Variants in COL10A1 observed in about 807,000 individuals in gnomAD.
COL10A1 encodes the protein collagen type X alpha 1 chain.
COL10A1 carries 10 observed loss-of-function variants against 18.2 expected under a neutral mutation model. That is an observed-to-expected ratio of 0.55 (90% CI 0.34 to 0.93). The LOEUF is 0.93. Among genes scored for constraint, COL10A1 ranks in the 40% least tolerant of loss-of-function variants. COL10A1 has a pLI of 0.02. For synonymous variants in COL10A1, 330 were observed against 316.6 expected (o/e 1.04, Z -0.45); for missense variants, 897 against 853.5 (o/e 1.05, Z -0.64).
upstream of COL10A1, among the ~76,000 whole-genome samples, chr6:116,161,961 G>A (rs773703075): frequency 1.6e-4 from 25 of 151,910 alleles, no homozygotes; most frequent in Non-Finnish European, 2.6e-4. Context: ...GATAGTTTAT[G>A]TTTTTGTATG....
At chr6:116,199,637 GC>G in the COL10A1 span, among the ~76,000 whole-genome samples, 2 of 152,188 alleles carry the variant, frequency 1.3e-5, no homozygotes, top group Admixed American at 6.5e-5. Flanking sequence ...ATGACCTAGA[GC>G]ATCTTGTAGT....
intron 1 of COL10A1, among the ~76,000 whole-genome samples, chr6:116,136,312 G>T (rs563730): frequency 0.018 from 2,755 of 152,010 alleles, 85 homozygotes; most frequent in African/African-American, 0.064. Flanking sequence ...TGGTGTGTAT[G>T]TATGTAATAT....
chr6:116,147,247 G>A (rs564150217), intron 1 of COL10A1, among the ~76,000 whole-genome samples: 2 of 152,040 alleles, frequency 1.3e-5, no homozygotes, highest in Admixed American at 1.3e-4. Flanking sequence ...TTTGAGATCA[G>A]CCTGGCCAAC....
chr6:116,192,512 T>A, the COL10A1 span, among the ~76,000 whole-genome samples: 1 of 152,058 alleles, frequency 6.6e-6, no homozygotes, highest in Admixed American at 6.6e-5. Context: ...CAAATTGGAT[T>A]CTGTGTTTCT....
At chr6:116,138,526 G>T (rs1411354165) in intron 1 of COL10A1, among the ~76,000 whole-genome samples, 6 of 151,898 alleles carry the variant, frequency 4.0e-5, no homozygotes, top group African/African-American at 1.2e-4. Context: ...TTCAGAATTT[G>T]CTAATTAAAA....
intron 1 of COL10A1, among the ~76,000 whole-genome samples, chr6:116,132,507 A>G (rs1031007495): frequency 1.3e-5 from 2 of 152,004 alleles, no homozygotes; most frequent in Non-Finnish European, 2.9e-5. Context: ...CTTTTAAGGT[A>G]CATATGTCTT....
At chr6:116,132,380 T>G (rs1779490868) in intron 1 of COL10A1, among the ~76,000 whole-genome samples, 1 of 152,230 alleles carries the variant, frequency 6.6e-6, no homozygotes, top group Non-Finnish European at 1.5e-5. Flanking sequence ...TAGCCTACTT[T>G]TCCTGTACAT....
chr6:116,143,020 G>A (rs1261715674), intron 1 of COL10A1, among the ~76,000 whole-genome samples: 2 of 152,164 alleles, frequency 1.3e-5, no homozygotes, highest in Non-Finnish European at 2.9e-5. Context: ...TTATTTGGAA[G>A]AAGACTATGG....
exon 1 of COL10A1, chr6:116,158,672 A>G (rs1055091685): frequency 3.3e-5 from 5 of 152,114 alleles, no homozygotes; most frequent in African/African-American, 1.2e-4. Flanking sequence ...AAAAGTCACT[A>G]CTTTGTCATC....
chr6:116,200,008 A>G, the COL10A1 span, among the ~76,000 whole-genome samples: 81 of 143,666 alleles, frequency 5.6e-4, no homozygotes, highest in African/African-American at 2.2e-3. Context: ...GTGGGGGGGG[A>G]AGAGTAACTT....
At chr6:116,204,866 A>T in the COL10A1 span, among the ~76,000 whole-genome samples, 1 of 152,166 alleles carries the variant, frequency 6.6e-6, no homozygotes, top group African/African-American at 2.4e-5. Context: ...TTATAATTAC[A>T]TGGCTAGATT....
At chr6:116,125,617 C>A in intron 1 of COL10A1, 110 bp from the exon 2 acceptor site, 1 of 913,948 alleles carries the variant, frequency 1.1e-6, no homozygotes. Context: ...TTTAACCTAT[C>A]CTATATATTT....
chr6:116,134,193 A>G (rs955657381), intron 1 of COL10A1, among the ~76,000 whole-genome samples: 7 of 152,214 alleles, frequency 4.6e-5, no homozygotes, highest in Non-Finnish European at 1.0e-4. Context: ...TATCTCTGAT[A>G]TTAGACAGTC....
chr6:116,187,423 G>A, the COL10A1 span, among the ~76,000 whole-genome samples: 5 of 152,222 alleles, frequency 3.3e-5, no homozygotes, highest in East Asian at 9.7e-4. Flanking sequence ...ATGAAGAACA[G>A]GGCAAGAGGG....
intron 2 of COL10A1, among the ~76,000 whole-genome samples, chr6:116,122,667 G>T (rs189369611): frequency 6.6e-6 from 1 of 152,324 alleles, no homozygotes; most frequent in Admixed American, 6.5e-5. Flanking sequence ...CATAGTGCCT[G>T]TGATGTGAAA....
chr6:116,163,532 G>A (rs533645445), upstream of COL10A1, among the ~76,000 whole-genome samples: 141 of 151,912 alleles, frequency 9.3e-4, 1 homozygote, highest in African/African-American at 3.3e-3. Context: ...AATCTAGTTA[G>A]TAGTCTATCA....
rs1779081335 is a variant in COL10A1, at chr6:116,120,493, A to G, written c.1623T>C (p.Ser541=). The G allele has an allele frequency of 6.2e-7, 1 of 1,614,230 alleles. No homozygotes were observed. Among genetic ancestry groups the G allele is most frequent in the Non-Finnish European group, 8.5e-7 (1 of 1,180,024 alleles). Residue 541 remains serine (S), a synonymous_variant, in exon 3 of 3, where the codon AGT becomes AGC. Coordinates refer to ENST00000651968, the MANE Select transcript of COL10A1 (RefSeq NM_000493.4). ...GCATTCCTGTTACCCCCTGGTTGGC[A>G]CTAACAAGAGGGGTCCCAGAAAGAC... The part of the protein sequence containing the change: ...RPSLSGTPLV[S]ANQGVTGMPV...
At chr6:116,170,274 G>A in the COL10A1 span, among the ~76,000 whole-genome samples, 2 of 152,120 alleles carry the variant, frequency 1.3e-5, no homozygotes, top group Non-Finnish European at 2.9e-5. Context: ...GGTGTGACCT[G>A]ATTAAGAAGA....
chr6:116,217,022 C>T, the COL10A1 span, among the ~76,000 whole-genome samples: 1,654 of 152,206 alleles, frequency 0.011, 36 homozygotes, highest in African/African-American at 0.038. Flanking sequence ...TCTCTAGTCC[C>T]CTCGGACAGC....
Sources: allele counts gnomAD v4.1 joint callset (sites outside exome capture counted in the v4.1 genomes callset), GRCh38; gene constraint gnomAD v4.1.1; transcripts MANE v1.5; gene names NCBI Gene and HGNC (gene_info 2026-07-23, HGNC 2026-07-21).